ZNF624: variants seen among roughly 807,000 people sequenced by gnomAD.
ZNF624 encodes the protein zinc finger protein 624.
In ZNF624, 43 loss-of-function variants were observed where a neutral mutation model predicts 74.7. The observed-to-expected ratio is 0.58, with a 90% CI of 0.45 to 0.74. The LOEUF (loss-of-function observed/expected upper bound fraction) is 0.74, where lower values mean the gene tolerates loss of function less well. Ranked by LOEUF, ZNF624 falls within the 30% of genes least tolerant of loss-of-function variation. The pLI is 0.00. For synonymous variants in ZNF624, 331 were observed against 341.3 expected, an observed-to-expected ratio of 0.97 and a Z score of 0.33; for missense variants, 820 against 1,030.0, an observed-to-expected ratio of 0.80 and a Z score of 2.79.
chr17:16,648,553 T>A (rs1301955757), intron 2 of ZNF624, among the ~76,000 whole-genome samples: 1 of 152,244 alleles, frequency 6.6e-6, no homozygotes, highest in Admixed American at 6.5e-5. Context: ...GTTTTATTTA[T>A]CTTTTCAAGG....
At chr17:16,617,777 A>AT (rs1451154966), downstream of ZNF624, 1 of 1,610,920 alleles carries the variant, frequency 6.2e-7, no homozygotes, top group African/African-American at 1.3e-5. Context: ...AGCCGTAGCC[A>AT]TTTTTGAGGT....
chr17:16,647,524 G>T, intron 2 of ZNF624, 130 bp from the exon 3 acceptor site: 1 of 696,526 alleles, frequency 1.4e-6, no homozygotes, highest in Non-Finnish European at 2.6e-6. Context: ...TTTTACTTAG[G>T]GCTGAAATCA....
chr17:16,628,971 G>T (rs973262924), intron 5 of ZNF624, among the ~76,000 whole-genome samples: 4 of 151,994 alleles, frequency 2.6e-5, no homozygotes, highest in African/African-American at 9.7e-5. Flanking sequence ...AGCCAAGATG[G>T]GCAGATCCCC....
chr17:16,644,922 T>G (rs1252832848), intron 3 of ZNF624, among the ~76,000 whole-genome samples: 1 of 152,230 alleles, frequency 6.6e-6, no homozygotes, highest in African/African-American at 2.4e-5. Flanking sequence ...ACTTTGATGC[T>G]GAGAAGCAGT....
Position 16,622,266 on chromosome 17 carries a change from T to C in ZNF624, c.*22A>G, listed in dbSNP as rs752991932. The C allele has an allele frequency of 5.3e-6, 8 of 1,499,546 alleles. No homozygotes were observed. Among genetic ancestry groups the C allele is most frequent in the Non-Finnish European group, 6.2e-6 (7 of 1,122,492 alleles). 92.9% of individuals were successfully genotyped at this position (1,499,546 alleles called of 1,614,324 possible). On this transcript the variant is annotated 3_prime_UTR_variant, in exon 6 of 6. Coordinates refer to ENST00000311331, the MANE Select transcript of ZNF624 (RefSeq NM_020787.4). ...AGATTCATCTTGTGGAGTTGACATC[T>C]AGGTGAATGACTTATTGTTCTTTAT...
chr17:16,617,281 C>G, downstream of ZNF624: 1 of 1,613,754 alleles, frequency 6.2e-7, no homozygotes, highest in Non-Finnish European at 8.5e-7. Flanking sequence ...TGACCATCTT[C>G]TAGATCGAGA....
At chr17:16,638,608 A>G (rs571349059) in intron 3 of ZNF624, among the ~76,000 whole-genome samples, 1 of 152,314 alleles carries the variant, frequency 6.6e-6, no homozygotes, top group East Asian at 1.9e-4. Flanking sequence ...AAACTATCGC[A>G]AGGACAAAAA....
intron 3 of ZNF624, among the ~76,000 whole-genome samples, chr17:16,639,865 A>G (rs1046912805): frequency 2.0e-5 from 3 of 152,342 alleles, no homozygotes; most frequent in East Asian, 3.9e-4. Context: ...ATTATTTAAA[A>G]TAACTAGCTG....
rs779514943 is a variant in ZNF624, at chr17:16,624,046, T to C, written c.840A>G (p.Thr280=). The C allele has an allele frequency of 1.9e-6, 3 of 1,613,734 alleles. No individual in the cohort carries two copies. The highest frequency in any genetic ancestry group is 3.3e-5 in the Admixed American group (2 of 59,918). Residue 280 remains threonine, a synonymous_variant, in exon 6 of 6, where the codon ACA becomes ACG. Coordinates refer to ENST00000311331, the MANE Select transcript of ZNF624 (RefSeq NM_020787.4). ...ATCTATAATGAAAGGCCTTTTCGCA[T>C]GTACTACATTTGTAGGGTTTTTCCT... ...NNKEKPYKCS[T]CEKAFHYRSL...
chr17:16,622,477 A>G lies in ZNF624; in HGVS notation c.2409T>C (p.Thr803=). 1.2e-6 allele frequency: 2 copies of G among 1,613,992 alleles called. No individual in the cohort carries two copies. Among genetic ancestry groups the G allele is most frequent in the Non-Finnish European group, 8.5e-7 (1 of 1,179,898 alleles). The change falls in exon 6 of 6, where the codon ACT becomes ACC. Residue 803 remains threonine (T), a synonymous_variant. Transcript: ENST00000311331. ...SQLTLHQRIH[T]GERPYKCEEC... Reference sequence around the variant, plus strand: ...CTTCACATTTATAGGGCCTCTCCCCAGTATGAATTCTCTGATGTAGGGTTA... The same window carrying G: ...CTTCACATTTATAGGGCCTCTCCCCGGTATGAATTCTCTGATGTAGGGTTA...
intron 5 of ZNF624, among the ~76,000 whole-genome samples, chr17:16,628,977 TCC>T (rs1390338625): frequency 1.3e-5 from 2 of 151,900 alleles, no homozygotes; most frequent in Admixed American, 1.3e-4. Context: ...GATGGGCAGA[TCC>T]CCTGAGGTCA....
chr17:16,617,317 C>T, downstream of ZNF624: 19 of 1,613,756 alleles, frequency 1.2e-5, no homozygotes, highest in South Asian at 2.2e-5. Context: ...AGAGTAAGAT[C>T]GCCTATGGCT....
At chr17:16,617,683 C>G (rs1234365050), downstream of ZNF624, 29 of 1,604,610 alleles carry the variant, frequency 1.8e-5, no homozygotes, top group Non-Finnish European at 2.2e-5. Context: ...GCGTGCTCTA[C>G]GATCACGCGC....
chr17:16,619,033 T>TA (rs1908847954), downstream of ZNF624, among the ~76,000 whole-genome samples: 1 of 152,116 alleles, frequency 6.6e-6, no homozygotes, highest in Non-Finnish European at 1.5e-5. Context: ...TTGGTATTGT[T>TA]ACAATAATAA....
intron 3 of ZNF624, among the ~76,000 whole-genome samples, chr17:16,646,552 G>A (rs1199551527): frequency 1.3e-5 from 2 of 152,182 alleles, no homozygotes; most frequent in Admixed American, 6.5e-5. Context: ...GTTTAAAGGA[G>A]ATGCAAGAAA....
At chr17:16,632,838 T>C (rs1005414729) in intron 5 of ZNF624, among the ~76,000 whole-genome samples, 2 of 152,246 alleles carry the variant, frequency 1.3e-5, no homozygotes, top group South Asian at 4.1e-4. Flanking sequence ...TACAAAGCCC[T>C]GCACAGGCAG....
chr17:16,648,023 C>A (rs1207687086), intron 2 of ZNF624, among the ~76,000 whole-genome samples: 2 of 151,940 alleles, frequency 1.3e-5, no homozygotes, highest in Non-Finnish European at 2.9e-5. Flanking sequence ...GCAACCTCTG[C>A]CTCCCAGGTT....
chr17:16,618,996 T>C (rs1047296991), downstream of ZNF624, among the ~76,000 whole-genome samples: 2 of 152,226 alleles, frequency 1.3e-5, no homozygotes, highest in Non-Finnish European at 2.9e-5. Context: ...AAAGGTCAAC[T>C]GTACTATCAG....
chr17:16,619,945 G>A (rs1411217499), downstream of ZNF624, among the ~76,000 whole-genome samples: 3 of 152,228 alleles, frequency 2.0e-5, no homozygotes, highest in Non-Finnish European at 4.4e-5. Flanking sequence ...CAGTCAGAAA[G>A]TGGCACATTA....
Sources: allele counts gnomAD v4.1 joint callset (sites outside exome capture counted in the v4.1 genomes callset), GRCh38; gene constraint gnomAD v4.1.1; transcripts MANE v1.5; gene names NCBI Gene and HGNC (gene_info 2026-07-23, HGNC 2026-07-21).